The following DCUN1D5 variants were observed in gnomAD, a reference collection of about 807,000 sequenced individuals.
The protein encoded by DCUN1D5 is DCN1-like protein 5.
DCUN1D5 carries 10 observed loss-of-function variants against 38.3 expected under a neutral mutation model. The observed-to-expected ratio is 0.26, with a 90% CI of 0.16 to 0.44. The LOEUF (loss-of-function observed/expected upper bound fraction) is 0.44, where lower values mean the gene tolerates loss of function less well. Ranked by LOEUF, DCUN1D5 falls within the 20% of genes least tolerant of loss-of-function variation. The pLI is 1.00. For synonymous variants in DCUN1D5, 93 were observed against 90.9 expected, an observed-to-expected ratio of 1.02 and a Z score of -0.13; for missense variants, 148 against 275.3, an observed-to-expected ratio of 0.54 and a Z score of 3.27.
At chr11:103,068,931 G>T (rs546623051) in intron 4 of DCUN1D5, among the ~76,000 whole-genome samples, 1 of 152,118 alleles carries the variant, frequency 6.6e-6, no homozygotes, top group South Asian at 2.1e-4. Context: ...GAACTGTTTT[G>T]AAGGAGTGAC....
chr11:103,069,608 T>C (rs1862221748), intron 4 of DCUN1D5, among the ~76,000 whole-genome samples: 1 of 152,160 alleles, frequency 6.6e-6, no homozygotes, highest in Admixed American at 6.5e-5. Flanking sequence ...AGAGGAGGCC[T>C]AGTGAAGGGT....
chr11:103,074,131 T>C (rs923229531), intron 4 of DCUN1D5, among the ~76,000 whole-genome samples: 9 of 152,006 alleles, frequency 5.9e-5, no homozygotes, highest in Non-Finnish European at 1.3e-4. Context: ...ACTAATAAAC[T>C]GGACATCATC....
rs1861832616 is a variant in DCUN1D5, at chr11:103,054,836, A to G, written c.*7523T>C. 1 of 152,092 alleles carries G rather than the reference A, an allele frequency of 6.6e-6. No homozygotes were observed. The highest frequency in any genetic ancestry group is 2.4e-5 in the African/African-American group (1 of 41,424). 9.4% of individuals were successfully genotyped at this position (152,092 alleles called of 1,614,324 possible). On this transcript the variant is annotated 3_prime_UTR_variant, in exon 8 of 8. Coordinates refer to ENST00000260247, the MANE Select transcript of DCUN1D5 (RefSeq NM_032299.4). ...TCAACTGCCAGTCCTAGATGTACTA[A>G]AATCAATTAGCCTTATTTTATGCTT...
rs1861873596 is a variant in DCUN1D5, at chr11:103,056,410, G to C, written c.*5949C>G. Among the ~76,000 whole-genome samples the C allele has an allele frequency of 6.6e-6, 1 of 152,000 alleles. No homozygotes were observed. Among genetic ancestry groups the C allele is most frequent in the South Asian group, 2.1e-4 (1 of 4,804 alleles). Reference sequence around the variant, plus strand: ...TTAGCATGTAATATTCCTTCTGCCTGGAATGCTCTCCTCCCAGATATCCAC... The same window carrying C: ...TTAGCATGTAATATTCCTTCTGCCTCGAATGCTCTCCTCCCAGATATCCAC... On this transcript the variant is annotated 3_prime_UTR_variant, in exon 8 of 8. Transcript: ENST00000260247. The surrounding 1 kb of genome is among the most constrained non-coding windows in gnomAD (Gnocchi z 4.9).
chr11:103,090,035 C>G (rs188019323), intron 1 of DCUN1D5, among the ~76,000 whole-genome samples: 44 of 151,762 alleles, frequency 2.9e-4, no homozygotes, highest in African/African-American at 1.0e-3. Flanking sequence ...TTCAGAGAAA[C>G]TTTTTTCAAG....
rs1862885431 is a variant in DCUN1D5, at chr11:103,091,986, A to C, written c.-114T>G. The C allele has an allele frequency of 1.0e-6, 1 of 989,198 alleles. No homozygotes were observed. Among genetic ancestry groups the C allele is most frequent in the Admixed American group, 2.9e-5 (1 of 34,476 alleles). The allele number at this position is 989,198 out of a possible 1,614,324, so 61.3% of individuals were successfully genotyped here. Reference sequence around the variant, plus strand: ...CAGAGACAGCAGCAAGCGGAGGAGCAGAGTCGCCAGCCCGCACCGGCGCGG... The same window carrying C: ...CAGAGACAGCAGCAAGCGGAGGAGCCGAGTCGCCAGCCCGCACCGGCGCGG... On this transcript the variant is annotated 5_prime_UTR_variant, in exon 1 of 8. Transcript: ENST00000260247. The surrounding 1 kb of genome is among the most constrained non-coding windows in gnomAD (Gnocchi z 4.3).
In DCUN1D5 at chr11:103,062,318, G is replaced by T. The variant is rs769862299; in HGVS notation, c.*41C>A. ...CCTCATCACATTAGCTTGTATACACGTGGGAATTGAAAGGTTTGCATTTTC... is the reference window on the plus strand; with the variant it reads ...CCTCATCACATTAGCTTGTATACACTTGGGAATTGAAAGGTTTGCATTTTC... On this transcript the variant is annotated 3_prime_UTR_variant, in exon 8 of 8. Coordinates refer to ENST00000260247, the MANE Select transcript of DCUN1D5 (RefSeq NM_032299.4). This position sits in a 1 kb window ranked among gnomAD's most constrained non-coding sequence, Gnocchi z 4.6. 3.8e-6 allele frequency: 6 copies of T among 1,596,664 alleles called. No individual in the cohort carries two copies. In the Admixed American group the frequency reaches 1.0e-4, roughly 27 times the overall value.
Position 103,061,918 on chromosome 11 carries a change from A to T in DCUN1D5, c.*441T>A, listed in dbSNP as rs1357516806. ...CAGTCTTCCAAATTGTGCAGAGATG[A>T]CTATAATGAGCCATACCATCAGCAG... On this transcript the variant is annotated 3_prime_UTR_variant, in exon 8 of 8. Coordinates refer to ENST00000260247, the MANE Select transcript of DCUN1D5 (RefSeq NM_032299.4). Among the ~76,000 whole-genome samples, 1 of 152,088 alleles carries T rather than the reference A, an allele frequency of 6.6e-6. No individual in the cohort carries two copies. Among genetic ancestry groups the T allele is most frequent in the African/African-American group, 2.4e-5 (1 of 41,446 alleles).
chr11:103,074,698 C>T (rs1045070200), intron 4 of DCUN1D5, among the ~76,000 whole-genome samples: 1 of 152,154 alleles, frequency 6.6e-6, no homozygotes, highest in Non-Finnish European at 1.5e-5. Context: ...GCCACCATGC[C>T]CAGGAGTTTT....
chr11:103,078,845 C>T lies in DCUN1D5; in HGVS notation c.341+3903G>A, dbSNP rs953099559. On this transcript the variant is annotated intron_variant, in intron 4 of 7. Coordinates refer to ENST00000260247, the MANE Select transcript of DCUN1D5 (RefSeq NM_032299.4). This position sits in a 1 kb window ranked among gnomAD's most constrained non-coding sequence, Gnocchi z 4.6. Reference sequence around the variant, plus strand: ...ATTCTTCATGTTCTAGTTCACAGGCCACACCTACATTTACCTACCTACTCA... The same window carrying T: ...ATTCTTCATGTTCTAGTTCACAGGCTACACCTACATTTACCTACCTACTCA... 6.6e-6 allele frequency among the ~76,000 whole-genome samples: 1 copy of T among 152,188 alleles called. No homozygotes were observed. Among genetic ancestry groups the T allele is most frequent in the Non-Finnish European group, 1.5e-5 (1 of 68,044 alleles).
rs1021289343 is a variant in DCUN1D5 at position 103,077,487 on chromosome 11, A to C, written c.341+5261T>G. On this transcript the variant is annotated intron_variant, in intron 4 of 7. Coordinates refer to ENST00000260247, the MANE Select transcript of DCUN1D5 (RefSeq NM_032299.4). This position sits in a 1 kb window ranked among gnomAD's most constrained non-coding sequence, Gnocchi z 4.3. The stretch of plus-strand genomic sequence containing the variant: ...AACCAAATAAAACCACACAGATTTG[A>C]GGGAACACTGGCACAATACAATACA... 6.6e-6 allele frequency among the ~76,000 whole-genome samples: 1 copy of C among 152,190 alleles called. No individual in the cohort carries two copies. The highest frequency in any genetic ancestry group is 1.5e-5 in the Non-Finnish European group (1 of 68,028).
rs116743303 is a variant in DCUN1D5, at chr11:103,077,839, G to T, written c.341+4909C>A. On this transcript the variant is annotated intron_variant, in intron 4 of 7. Transcript: ENST00000260247. The surrounding 1 kb of genome is among the most constrained non-coding windows in gnomAD (Gnocchi z 4.3). The stretch of plus-strand genomic sequence containing the variant: ...ACCAGAACAATACCATCTACTTCTA[G>T]GGGTATTTGAAAATGTGCAGAGGGG... Among the ~76,000 whole-genome samples the T allele has an allele frequency of 0.026, 4,029 of 152,208 alleles. 203 individuals carry two copies. The highest frequency in any genetic ancestry group is 0.092 in the African/African-American group (3,821 of 41,502).
At position 103,081,295 on chromosome 11, in the gene DCUN1D5, G is replaced by C. The variant is rs17099908; in HGVS notation, c.341+1453C>G. 7.5e-3 allele frequency among the ~76,000 whole-genome samples: 1,147 copies of C among 152,164 alleles called. 12 individuals carry two copies. The highest frequency in any genetic ancestry group is 0.026 in the African/African-American group (1,065 of 41,516). On this transcript the variant is annotated intron_variant, in intron 4 of 7. Transcript: ENST00000260247. The stretch of plus-strand genomic sequence containing the variant: ...AATGACAAATGTCTTACATTAATAA[G>C]CCATATTACAACATAAATTTTAGTA...
rs510396 is a variant in DCUN1D5 at position 103,086,323 on chromosome 11, A to G, written c.178+2904T>C. 0.15 allele frequency among the ~76,000 whole-genome samples: 22,466 copies of G among 152,240 alleles called. 2,092 individuals carry two copies. The highest frequency in any genetic ancestry group is 0.23 in the Middle Eastern group (67 of 294). ...ACTGTTTTAATAATAATAACATTTGAGTTCTGACTATATACCAGGTATTGT... is the reference window on the plus strand; with the variant it reads ...ACTGTTTTAATAATAATAACATTTGGGTTCTGACTATATACCAGGTATTGT... On this transcript the variant is annotated intron_variant, in intron 2 of 7. Transcript: ENST00000260247. This position sits in a 1 kb window ranked among gnomAD's most constrained non-coding sequence, Gnocchi z 4.1.
At position 103,063,251 on chromosome 11, in the gene DCUN1D5, T is replaced by C. The variant is rs148526715; in HGVS notation, c.659-837A>G. On this transcript the variant is annotated intron_variant, in intron 7 of 7. Coordinates refer to ENST00000260247, the MANE Select transcript of DCUN1D5 (RefSeq NM_032299.4). This position sits in a 1 kb window ranked among gnomAD's most constrained non-coding sequence, Gnocchi z 4.6. ...ACTTGACTCCAGCCTCTGACTCCTA[T>C]AAAGGAGTACTATAAAGGTACAGTT... Among the ~76,000 whole-genome samples the C allele has an allele frequency of 5.2e-3, 799 of 152,288 alleles. 7 individuals are homozygous for C. Among genetic ancestry groups the C allele is most frequent in the African/African-American group, 0.018 (730 of 41,580 alleles).
chr11:103,057,125 T>A lies in DCUN1D5; in HGVS notation c.*5234A>T, dbSNP rs1039046479. 3.3e-5 allele frequency among the ~76,000 whole-genome samples: 5 copies of A among 152,228 alleles called. No homozygotes were observed. Among genetic ancestry groups the A allele is most frequent in the African/African-American group, 1.2e-4 (5 of 41,454 alleles). On this transcript the variant is annotated 3_prime_UTR_variant, in exon 8 of 8. Coordinates refer to ENST00000260247, the MANE Select transcript of DCUN1D5 (RefSeq NM_032299.4). This position sits in a 1 kb window ranked among gnomAD's most constrained non-coding sequence, Gnocchi z 4.8. Reference sequence around the variant, plus strand: ...AATGTAAATTTCAAATAGGTAAGATTTCTACATTTGTAGATAAAAGTAACT... The same window carrying A: ...AATGTAAATTTCAAATAGGTAAGATATCTACATTTGTAGATAAAAGTAACT...
rs1254863951 is a variant in DCUN1D5, at chr11:103,057,582, T to A, written c.*4777A>T. Among the ~76,000 whole-genome samples the A allele has an allele frequency of 1.3e-5, 2 of 151,966 alleles. No homozygotes were observed. Among genetic ancestry groups the A allele is most frequent in the East Asian group, 3.9e-4 (2 of 5,166 alleles). ...AAAAAATACAAAACTTAGCTGGGCATGGTGGCAGGCATCTGTAATCCCAGC... is the reference window on the plus strand; with the variant it reads ...AAAAAATACAAAACTTAGCTGGGCAAGGTGGCAGGCATCTGTAATCCCAGC... On this transcript the variant is annotated 3_prime_UTR_variant, in exon 8 of 8. Transcript: ENST00000260247. The surrounding 1 kb of genome is among the most constrained non-coding windows in gnomAD (Gnocchi z 4.8).
Position 103,063,787 on chromosome 11 carries a change from A to T in DCUN1D5, c.658+488T>A, listed in dbSNP as rs1779334548. ...TTTTAACTTGACGGATTGAAAAATT[A>T]TAACTATTTCACTATCAGTTAGCTC... On this transcript the variant is annotated intron_variant, in intron 7 of 7. Coordinates refer to ENST00000260247, the MANE Select transcript of DCUN1D5 (RefSeq NM_032299.4). The surrounding 1 kb of genome is among the most constrained non-coding windows in gnomAD (Gnocchi z 4.6). 6.6e-6 allele frequency among the ~76,000 whole-genome samples: 1 copy of T among 152,190 alleles called. No individual in the cohort carries two copies. Among genetic ancestry groups the T allele is most frequent in the Non-Finnish European group, 1.5e-5 (1 of 67,992 alleles).
chr11:103,073,949 A>T lies in DCUN1D5; in HGVS notation c.342-7382T>A, dbSNP rs1241238432. 6.6e-6 allele frequency among the ~76,000 whole-genome samples: 1 copy of T among 152,018 alleles called. No individual in the cohort carries two copies. Among genetic ancestry groups the T allele is most frequent in the Non-Finnish European group, 1.5e-5 (1 of 67,972 alleles). On this transcript the variant is annotated intron_variant, in intron 4 of 7. Coordinates refer to ENST00000260247, the MANE Select transcript of DCUN1D5 (RefSeq NM_032299.4). This position sits in a 1 kb window ranked among gnomAD's most constrained non-coding sequence, Gnocchi z 4.2. ...ATTAGCCAGGTATGGTGGCACATGCATGTGTGGCTACTCGGGGGGCTGATG... is the reference window on the plus strand; with the variant it reads ...ATTAGCCAGGTATGGTGGCACATGCTTGTGTGGCTACTCGGGGGGCTGATG...
Sources: allele counts gnomAD v4.1 joint callset (sites outside exome capture counted in the v4.1 genomes callset), GRCh38; gene constraint gnomAD v4.1.1; non-coding constraint Gnocchi (gnomAD v3.1); transcripts MANE v1.5; gene names NCBI Gene and HGNC (gene_info 2026-07-23, HGNC 2026-07-21).